The following RNF19A variants were observed in gnomAD, a reference collection of about 807,000 sequenced individuals.
RNF19A encodes the protein E3 ubiquitin-protein ligase RNF19A.
In RNF19A, 32 loss-of-function variants were observed where a neutral mutation model predicts 75.7. The observed-to-expected ratio is 0.42, with a 90% CI of 0.32 to 0.57. The LOEUF (loss-of-function observed/expected upper bound fraction) is 0.57. Among genes scored for constraint, RNF19A ranks in the 20% least tolerant of loss-of-function variants. The probability of loss-of-function intolerance (pLI) is 0.10; values close to 1 mark genes in which losing one functional copy is unlikely to be tolerated. For synonymous variants in RNF19A, 335 were observed against 345.2 expected (o/e 0.97, Z 0.33); for missense variants, 782 against 1,036.3 (o/e 0.75, Z 3.37).
At chr8:100,299,711 T>C (rs1312602090) in intron 1 of RNF19A, among the ~76,000 whole-genome samples, 2 of 152,146 alleles carry the variant, frequency 1.3e-5, no homozygotes, top group South Asian at 2.1e-4. Flanking sequence ...TAAGCCAAGA[T>C]TGTGCCATTG....
rs1457905944 is a variant in RNF19A, at chr8:100,287,911, C to T, written c.264G>A (p.Val88=). 1.2e-6 allele frequency: 2 copies of T among 1,614,022 alleles called. No homozygotes were observed. The highest frequency in any genetic ancestry group is 2.2e-5 in the South Asian group (2 of 91,082). Reference sequence around the variant, plus strand: ...TACTTTCAATACTTGCAATTCCATCCACCCCGCCATTTAGCTCCCTTGATT... The same window carrying T: ...TACTTTCAATACTTGCAATTCCATCTACCCCGCCATTTAGCTCCCTTGATT... The part of the protein sequence containing the change: ...KRKSRELNGG[V]DGIASIESIH... The change falls in exon 2 of 10, where the codon GTG becomes GTA. Residue 88 remains valine, a synonymous_variant. Coordinates refer to ENST00000341084, the MANE Select transcript of RNF19A (RefSeq NM_183419.4). This position sits in a 1 kb window ranked among gnomAD's most constrained non-coding sequence, Gnocchi z 4.1.
At chr8:100,319,518 A>G in intron 1 of RNF19A, among the ~76,000 whole-genome samples, 1 of 145,962 alleles carries the variant, frequency 6.9e-6, no homozygotes, top group South Asian at 2.2e-4. Flanking sequence ...AGTTTTACCT[A>G]TCTGGTTCAC....
Position 100,295,808 on chromosome 8 carries a change from A to G in RNF19A, c.-93-7541T>C, listed in dbSNP as rs181582914. ...AACAGAGTTTTTATAAATCTGAATC[A>G]TATCATTAAGAGAAGTTTGAGGCAT... is the stretch of plus-strand genomic sequence containing the variant. On this transcript the variant is annotated intron_variant, in intron 1 of 9. Transcript: ENST00000341084. Among the ~76,000 whole-genome samples the G allele has an allele frequency of 5.2e-3, 786 of 152,332 alleles. 6 individuals are homozygous for G. The highest frequency in any genetic ancestry group is 0.018 in the African/African-American group (751 of 41,584).
chr8:100,294,004 T>A (rs77162270), intron 1 of RNF19A, among the ~76,000 whole-genome samples: 1 of 152,200 alleles, frequency 6.6e-6, no homozygotes, highest in Non-Finnish European at 1.5e-5. Flanking sequence ...GTCATTATGA[T>A]ATTTCCCCCT....
chr8:100,268,906 C>G lies in RNF19A; in HGVS notation c.1070G>C (p.Arg357Pro). The change falls in exon 5 of 10, where the codon CGA becomes CCA. Residue 357 changes from arginine to proline, a missense_variant. Physicochemically the swap from Arg to Pro is moderately radical, Grantham distance 103. Coordinates refer to ENST00000341084, the MANE Select transcript of RNF19A (RefSeq NM_183419.4). ...CTFWGKKPWS[R>P]KKKILWQLGT... is the part of the protein sequence containing the mutation. ...CAGTTGCCACAATATTTTCTTCTTTCGGCTCCAGGGTTTCTTCCCCCAAAA... is the reference window on the plus strand; with the variant it reads ...CAGTTGCCACAATATTTTCTTCTTTGGGCTCCAGGGTTTCTTCCCCCAAAA... The G allele has an allele frequency of 6.3e-7, 1 of 1,599,186 alleles. No individual in the cohort carries two copies. Among genetic ancestry groups the G allele is most frequent in the Non-Finnish European group, 8.5e-7 (1 of 1,171,558 alleles).
Position 100,284,325 on chromosome 8 carries a change from G to C in RNF19A, c.674+3176C>G, listed in dbSNP as rs1438710336. Among the ~76,000 whole-genome samples the C allele has an allele frequency of 6.6e-6, 1 of 151,888 alleles. No individual in the cohort carries two copies. The highest frequency in any genetic ancestry group is 1.5e-5 in the Non-Finnish European group (1 of 67,964). ...TATACATACAAATTTTATATTATTGGGTGACATTTTCTTCAAAACACAATC... is the reference window on the plus strand; with the variant it reads ...TATACATACAAATTTTATATTATTGCGTGACATTTTCTTCAAAACACAATC... On this transcript the variant is annotated intron_variant, in intron 2 of 9. Transcript: ENST00000341084. The surrounding 1 kb of genome is among the most constrained non-coding windows in gnomAD (Gnocchi z 4.3).
Position 100,260,087 on chromosome 8 carries a change from G to A in RNF19A, c.1683-90C>T. ...TTAAATAATTCAGTTAAGAACCCTA[G>A]TAACCAGAAGCTATTTTAGGAACCA... On this transcript the variant is annotated intron_variant, in intron 8 of 9. Coordinates refer to ENST00000341084, the MANE Select transcript of RNF19A (RefSeq NM_183419.4). This position sits in a 1 kb window ranked among gnomAD's most constrained non-coding sequence, Gnocchi z 4.1. The A allele has an allele frequency of 8.9e-7, 1 of 1,123,092 alleles. No individual in the cohort carries two copies. The highest frequency in any genetic ancestry group is 1.3e-6 in the Non-Finnish European group (1 of 765,928). The allele number at this position is 1,123,092 out of a possible 1,614,324, so 69.6% of individuals were successfully genotyped here.
chr8:100,303,336 T>A (rs555034723), intron 1 of RNF19A: 6 of 152,364 alleles, frequency 3.9e-5, no homozygotes, highest in Non-Finnish European at 8.8e-5. Context: ...TTTCTGCGCG[T>A]CGTCTTCTCT....
chr8:100,287,942 T>C lies in RNF19A; in HGVS notation c.233A>G (p.Lys78Arg). Residue 78 changes from lysine (K) to arginine (R), a missense_variant, in exon 2 of 10, where the codon AAA becomes AGA. By Grantham distance (26) the Lys-to-Arg change is conservative. Coordinates refer to ENST00000341084, the MANE Select transcript of RNF19A (RefSeq NM_183419.4). This position sits in a 1 kb window ranked among gnomAD's most constrained non-coding sequence, Gnocchi z 4.1. Reference sequence around the variant, plus strand: ...GCCATTTAGCTCCCTTGATTTACGTTTGTTATCTTTTTTCCTCCGAAACAG... The same window carrying C: ...GCCATTTAGCTCCCTTGATTTACGTCTGTTATCTTTTTTCCTCCGAAACAG... ...GSLFRRKKDN[K>R]RKSRELNGGV... 6.2e-7 allele frequency: 1 copy of C among 1,614,190 alleles called. No homozygotes were observed. Among genetic ancestry groups the C allele is most frequent in the Non-Finnish European group, 8.5e-7 (1 of 1,180,026 alleles).
chr8:100,301,141 C>A (rs1490935749), intron 1 of RNF19A, among the ~76,000 whole-genome samples: 1 of 152,222 alleles, frequency 6.6e-6, no homozygotes, highest in Non-Finnish European at 1.5e-5. Flanking sequence ...GTGCTAGTCA[C>A]ATTTCAAATG....
intron 1 of RNF19A, among the ~76,000 whole-genome samples, chr8:100,302,927 T>C (rs982959279): frequency 6.6e-6 from 1 of 152,214 alleles, no homozygotes; most frequent in Non-Finnish European, 1.5e-5. Context: ...TAAGATATAA[T>C]CGATTCCTGT....
chr8:100,280,354 G>A (rs1820724204), intron 2 of RNF19A, among the ~76,000 whole-genome samples: 1 of 152,196 alleles, frequency 6.6e-6, no homozygotes, highest in Non-Finnish European at 1.5e-5. Context: ...TGTAGTGTTT[G>A]TGTGTCTGTG....
chr8:100,257,934 G>T lies in RNF19A; in HGVS notation c.*622C>A. The stretch of plus-strand genomic sequence containing the variant: ...TGGCATCAACAATAAACAAGATAGA[G>T]TACCAGGTATTTCTATTTCAAAGTT... On this transcript the variant is annotated 3_prime_UTR_variant, in exon 10 of 10. Transcript: ENST00000341084. 2.5e-6 allele frequency: 1 copy of T among 398,474 alleles called. No individual in the cohort carries two copies. The allele number at this position is 398,474 out of a possible 1,614,324, so 24.7% of individuals were successfully genotyped here. A position where few individuals can be genotyped will look rare whatever the true frequency, so the allele number is the denominator to read the frequency against.
intron 1 of RNF19A, among the ~76,000 whole-genome samples, chr8:100,293,367 G>A (rs940409696): frequency 6.6e-6 from 1 of 152,162 alleles, no homozygotes; most frequent in African/African-American, 2.4e-5. Flanking sequence ...GGATATTTTT[G>A]CTGAATACAG....
rs993214092 is a variant in RNF19A, at chr8:100,260,035, A to T, written c.1683-38T>A. ...TATGAAATCACCAAAATTATATTTA[A>T]TATCAGCACTACTGTAATATGTATC... On this transcript the variant is annotated intron_variant, in intron 8 of 9. Coordinates refer to ENST00000341084, the MANE Select transcript of RNF19A (RefSeq NM_183419.4). This position sits in a 1 kb window ranked among gnomAD's most constrained non-coding sequence, Gnocchi z 4.1. The T allele has an allele frequency of 6.4e-7, 1 of 1,558,316 alleles. No homozygotes were observed. The highest frequency in any genetic ancestry group is 1.1e-5 in the South Asian group (1 of 89,736).
chr8:100,276,981 G>A (rs1200422347), intron 2 of RNF19A, among the ~76,000 whole-genome samples: 2 of 151,994 alleles, frequency 1.3e-5, no homozygotes, highest in South Asian at 2.1e-4. Flanking sequence ...GAGACAAACA[G>A]TGAGAAAGGT....
intron 2 of RNF19A, among the ~76,000 whole-genome samples, chr8:100,282,924 T>C (rs369317315): frequency 1.3e-5 from 2 of 152,290 alleles, no homozygotes; most frequent in South Asian, 2.1e-4. Flanking sequence ...GCAAACCAGC[T>C]TGAAGCTTAC....
chr8:100,286,194 T>C (rs959214468), intron 2 of RNF19A, among the ~76,000 whole-genome samples: 3 of 152,168 alleles, frequency 2.0e-5, no homozygotes, highest in African/African-American at 7.2e-5. Context: ...CTACTATTCA[T>C]TATTCCTATT....
chr8:100,319,421 A>T (rs78524122), intron 1 of RNF19A, among the ~76,000 whole-genome samples: 1 of 152,134 alleles, frequency 6.6e-6, no homozygotes, highest in Non-Finnish European at 1.5e-5. Flanking sequence ...AACAAGATAA[A>T]TGAAACATAG....
Sources: allele counts gnomAD v4.1 joint callset (sites outside exome capture counted in the v4.1 genomes callset), GRCh38; gene constraint gnomAD v4.1.1; non-coding constraint Gnocchi (gnomAD v3.1); transcripts MANE v1.5; gene names NCBI Gene and HGNC (gene_info 2026-07-23, HGNC 2026-07-21).